MAGI1: variants seen among roughly 807,000 people sequenced by gnomAD.
MAGI1 encodes the protein membrane associated guanylate kinase, WW and PDZ domain containing 1.
MAGI1 carries 58 observed loss-of-function variants against 139.9 expected under a neutral mutation model. The observed-to-expected ratio is 0.41, with a 90% CI of 0.34 to 0.52. The LOEUF is 0.52. Ranked by LOEUF, MAGI1 falls within the 20% of genes least tolerant of loss-of-function variation. The pLI, the probability that MAGI1 is intolerant of heterozygous loss-of-function variation, is 0.12. For synonymous variants in MAGI1, 812 were observed against 737.9 expected (o/e 1.10, Z -1.63); for missense variants, 1,874 against 1,901.6 (o/e 0.99, Z 0.27).
intron 1 of MAGI1, among the ~76,000 whole-genome samples, chr3:65,849,610 T>A (rs1229151900): frequency 6.6e-6 from 1 of 151,942 alleles, no homozygotes; most frequent in Non-Finnish European, 1.5e-5. Context: ...AGATGTCTAA[T>A]ACTGACTGAT....
chr3:65,384,850 C>CA (rs1157332293), intron 14 of MAGI1, among the ~76,000 whole-genome samples: 1 of 151,536 alleles, frequency 6.6e-6, no homozygotes, highest in Non-Finnish European at 1.5e-5. Flanking sequence ...TTTAAGCATC[C>CA]ATGGATTTTT....
At chr3:65,953,360 G>A (rs1167692958) in intron 1 of MAGI1, among the ~76,000 whole-genome samples, 1 of 152,138 alleles carries the variant, frequency 6.6e-6, no homozygotes, top group African/African-American at 2.4e-5. Flanking sequence ...GCTGGGCCTG[G>A]CATTTTTTCC....
intron 1 of MAGI1, among the ~76,000 whole-genome samples, chr3:65,678,114 T>C (rs528902992): frequency 8.6e-5 from 13 of 151,736 alleles, no homozygotes; most frequent in South Asian, 2.1e-4. Context: ...TAAGTGGGAG[T>C]TGAACAATGA....
intron 1 of MAGI1, among the ~76,000 whole-genome samples, chr3:65,828,128 A>C (rs2108282642): frequency 6.6e-6 from 1 of 152,342 alleles, no homozygotes; most frequent in South Asian, 2.1e-4. Context: ...ATGGACTTCA[A>C]ATCAGCTTAA....
At chr3:65,812,232 T>C (rs1224971520) in intron 1 of MAGI1, among the ~76,000 whole-genome samples, 1 of 152,054 alleles carries the variant, frequency 6.6e-6, no homozygotes, top group East Asian at 1.9e-4. Context: ...CTTATCACAT[T>C]CCTGACTCAG....
intron 2 of MAGI1, among the ~76,000 whole-genome samples, chr3:65,585,112 A>G (rs570481545): frequency 2.6e-5 from 4 of 152,364 alleles, no homozygotes; most frequent in Admixed American, 2.6e-4. Flanking sequence ...CCATTTATAG[A>G]TGAGGTAACT....
At chr3:65,643,525 A>C (rs2085098256) in intron 1 of MAGI1, among the ~76,000 whole-genome samples, 1 of 152,130 alleles carries the variant, frequency 6.6e-6, no homozygotes, top group South Asian at 2.1e-4. Flanking sequence ...AAAGAGAAAA[A>C]GGCAGACCAA....
At chr3:65,503,833 T>C (rs1250790026) in intron 2 of MAGI1, among the ~76,000 whole-genome samples, 2 of 152,144 alleles carry the variant, frequency 1.3e-5, no homozygotes, top group Non-Finnish European at 2.9e-5. Context: ...AGCTATGACA[T>C]GGGATGAAGG....
chr3:65,425,078 A>G, intron 12 of MAGI1, among the ~76,000 whole-genome samples: 2 of 148,788 alleles, frequency 1.3e-5, no homozygotes. Flanking sequence ...TCAAGAGAAG[A>G]AGAAAAAAAA....
chr3:66,014,966 C>T (rs11919282), intron 1 of MAGI1, among the ~76,000 whole-genome samples: 1 of 151,982 alleles, frequency 6.6e-6, no homozygotes, highest in Admixed American at 6.6e-5. Flanking sequence ...TAACTGACAA[C>T]AAATCATCGC....
Position 65,714,337 on chromosome 3 carries a change from A to G in MAGI1, c.314-92249T>C, listed in dbSNP as rs79487380. On this transcript the variant is annotated intron_variant, in intron 1 of 22. Transcript: ENST00000402939. ...CTTGGGGTTATGTTCGCAGTGAACA[A>G]TCTTGAGAGATGAGGTAATGTCTCC... Among the ~76,000 whole-genome samples, 250 of 152,114 alleles carry G rather than the reference A, an allele frequency of 1.6e-3. 4 individuals are homozygous for G. In the East Asian group the frequency reaches 0.043, roughly 26 times the overall value.
chr3:65,490,612 G>C (rs995101422), intron 3 of MAGI1, among the ~76,000 whole-genome samples: 2 of 152,006 alleles, frequency 1.3e-5, no homozygotes, highest in African/African-American at 4.8e-5. Context: ...ATGGGAGGTC[G>C]ATGCAGGCGG....
intron 1 of MAGI1, among the ~76,000 whole-genome samples, chr3:65,755,796 C>A (rs1408157461): frequency 6.6e-6 from 1 of 152,120 alleles, no homozygotes; most frequent in East Asian, 1.9e-4. Flanking sequence ...AAAATAAAAT[C>A]TTATTAACCT....
At chr3:65,387,068 A>T (rs1943504163) in intron 14 of MAGI1, 1 of 1,315,298 alleles carries the variant, frequency 7.6e-7, no homozygotes, top group African/African-American at 1.5e-5. Flanking sequence ...ACTTCTCCCC[A>T]GGCCCCCAGA....
chr3:65,390,370 A>G (rs1213106693), intron 14 of MAGI1, among the ~76,000 whole-genome samples: 2 of 152,188 alleles, frequency 1.3e-5, no homozygotes, highest in Non-Finnish European at 2.9e-5. Context: ...CCTGACCATT[A>G]TAAGAAAACA....
chr3:65,812,466 T>TCACACACACACACA (rs1432887484), intron 1 of MAGI1, among the ~76,000 whole-genome samples: 5 of 87,662 alleles, frequency 5.7e-5, no homozygotes, highest in African/African-American at 1.8e-4. Context: ...TCTCTCTCTC[T>TCACACACACACACA]CTCACACACA....
At chr3:65,702,329 AAG>A (rs1479741283) in intron 1 of MAGI1, among the ~76,000 whole-genome samples, 1 of 152,200 alleles carries the variant, frequency 6.6e-6, no homozygotes, top group Non-Finnish European at 1.5e-5. Flanking sequence ...ATTAGGCAGA[AAG>A]AGTTTCCACA....
intron 5 of MAGI1, among the ~76,000 whole-genome samples, chr3:65,457,118 G>T (rs1006696834): frequency 6.6e-6 from 1 of 152,020 alleles, no homozygotes; most frequent in African/African-American, 2.4e-5. Flanking sequence ...CATTAAACCT[G>T]TATATCCATT....
intron 1 of MAGI1, among the ~76,000 whole-genome samples, chr3:65,660,003 A>G (rs971266176): frequency 1.4e-4 from 22 of 152,220 alleles, no homozygotes; most frequent in Non-Finnish European, 3.2e-4. Flanking sequence ...GCCACATAGA[A>G]AGCACTCAAC....
Sources: gnomAD v4.1 joint callset for allele counts (sites outside exome capture counted in the v4.1 genomes callset) on GRCh38, gnomAD v4.1.1 for gene constraint, MANE v1.5 for transcripts, NCBI Gene and HGNC (gene_info 2026-07-23, HGNC 2026-07-21) for gene names.